Variants in CROCC2 observed in about 807,000 individuals in gnomAD.
The protein encoded by CROCC2 is ciliary rootlet coiled-coil protein 2.
A neutral mutation model predicts 177.6 loss-of-function variants in CROCC2; 163 were observed. That is an observed-to-expected ratio of 0.92 (90% CI 0.81 to 1.05). The LOEUF (loss-of-function observed/expected upper bound fraction) is 1.05. Among genes scored for constraint, CROCC2 ranks in the 50% least tolerant of loss-of-function variants. The probability of loss-of-function intolerance (pLI) is 0.00; values close to 1 mark genes in which losing one functional copy is unlikely to be tolerated. For missense variants in CROCC2, 1,929 were observed against 1,797.8 expected, an observed-to-expected ratio of 1.07 and a Z score of -1.32; for synonymous variants, 904 against 787.3, an observed-to-expected ratio of 1.15 and a Z score of -2.48.
intron 5 of CROCC2, among the ~76,000 whole-genome samples, chr2:240,926,279 C>T (rs1190298753): frequency 6.6e-6 from 1 of 152,220 alleles, no homozygotes; most frequent in Non-Finnish European, 1.5e-5. Context: ...TGGCCGTGGC[C>T]CCCCAGGTCC....
intron 6 of CROCC2, among the ~76,000 whole-genome samples, chr2:240,930,711 G>C (rs2059423419): frequency 6.6e-6 from 1 of 152,088 alleles, no homozygotes; most frequent in African/African-American, 2.4e-5. Context: ...CTCGGTGAAG[G>C]CTGCTGAAGC....
At chr2:240,945,584 C>T (rs1054064118) in intron 14 of CROCC2, among the ~76,000 whole-genome samples, 1 of 151,916 alleles carries the variant, frequency 6.6e-6, no homozygotes, top group African/African-American at 2.4e-5. Context: ...TCTGTACCTC[C>T]CTTCTCTCCA....
intron 27 of CROCC2, 26 bp downstream of exon 27, chr2:240,968,288 C>T (rs1218840832): frequency 2.0e-6 from 3 of 1,513,564 alleles, no homozygotes; most frequent in Admixed American, 4.1e-5. Context: ...GGGTGGGTCC[C>T]AGGTGGGGCA....
chr2:240,929,817 T>A, intron 5 of CROCC2: 1 of 485,226 alleles, frequency 2.1e-6, no homozygotes, highest in South Asian at 1.6e-5. Context: ...TTCTGGGGTG[T>A]TCCAAGCCTG....
intron 14 of CROCC2, among the ~76,000 whole-genome samples, chr2:240,936,537 G>T (rs1489226681): frequency 6.6e-6 from 1 of 152,140 alleles, no homozygotes; most frequent in African/African-American, 2.4e-5. Flanking sequence ...CTTTTTAACT[G>T]CATAGTTATA....
intron 14 of CROCC2, among the ~76,000 whole-genome samples, chr2:240,945,191 T>C (rs984698159): frequency 6.6e-6 from 1 of 152,208 alleles, no homozygotes; most frequent in Non-Finnish European, 1.5e-5. Flanking sequence ...CTGCCTTGGC[T>C]TCCCAAAGTG....
chr2:240,912,839 C>T (rs73006024), intron 1 of CROCC2, among the ~76,000 whole-genome samples: 31,397 of 152,152 alleles, frequency 0.21, 3,770 homozygotes, highest in Middle Eastern at 0.35. Flanking sequence ...GGCCATCAGT[C>T]GTCTCATAGG....
chr2:240,970,931 G>A (rs538488563), intron 27 of CROCC2, among the ~76,000 whole-genome samples: 26 of 152,282 alleles, frequency 1.7e-4, no homozygotes, highest in African/African-American at 5.3e-4. Context: ...TGGGCCACCC[G>A]AGGCCACGGG....
At chr2:240,920,204 C>T (rs1434297724) in intron 3 of CROCC2, 70 bp downstream of exon 3, 9 of 598,254 alleles carry the variant, frequency 1.5e-5, no homozygotes, top group East Asian at 1.4e-4. Flanking sequence ...GGTCACTTGT[C>T]GGGACGGCAG....
At position 240,968,252 on chromosome 2, in the gene CROCC2, G is replaced by C; in HGVS notation, c.4391G>C (p.Arg1464Pro). ...GTGCGTGCGGCAGGCCAGGAGAAGC[G>C]GCGGCTGCAGGTGGGGCAGGCGGCA... is the stretch of plus-strand genomic sequence containing the variant. ...ASVRAAGQEK[R>P]RLQEQLETLR... The change falls in exon 27 of 32, where the codon CGG (arginine) becomes CCG (proline). Residue 1464 changes from arginine (R) to proline (P), a missense_variant. This residue lies in a region of CROCC2 where 388 missense variants were observed against 352.7 expected (regional missense o/e 1.10). Coordinates refer to ENST00000690015, the MANE Select transcript of CROCC2 (RefSeq NM_001351305.2). 1 of 1,529,432 alleles carries C rather than the reference G, an allele frequency of 6.5e-7. No homozygotes were observed. Among genetic ancestry groups the C allele is most frequent in the Non-Finnish European group, 8.7e-7 (1 of 1,143,832 alleles). The allele number at this position is 1,529,432 out of a possible 1,614,324, so 94.7% of individuals were successfully genotyped here.
chr2:240,963,430 C>T (rs992865505), intron 20 of CROCC2, 126 bp from the exon 21 acceptor site: 19 of 1,001,778 alleles, frequency 1.9e-5, no homozygotes, highest in African/African-American at 1.1e-4. Context: ...GTGAGCAAAG[C>T]GCATGGGGAC....
chr2:240,978,330 T>A (rs183766238), intron 27 of CROCC2, among the ~76,000 whole-genome samples: 52 of 28,176 alleles, frequency 1.8e-3, no homozygotes, highest in Middle Eastern at 0.024. Context: ...TAGGAGCCTC[T>A]GGAGCCCAGG....
At position 240,931,227 on chromosome 2, in the gene CROCC2, C is replaced by A. The variant is rs998853042; in HGVS notation, c.947+99C>A. On this transcript the variant is annotated intron_variant, in intron 7 of 31. Coordinates refer to ENST00000690015, the MANE Select transcript of CROCC2 (RefSeq NM_001351305.2). Reference sequence around the variant, plus strand: ...CTGTGGATCCCAGATGTGGTCACACCGTTCCAGGGCAGGTGGGGCCCTGAT... The same window carrying A: ...CTGTGGATCCCAGATGTGGTCACACAGTTCCAGGGCAGGTGGGGCCCTGAT... The A allele has an allele frequency of 8.2e-6, 5 of 610,198 alleles. No individual in the cohort carries two copies. In the Admixed American group the frequency reaches 1.4e-4, roughly 17 times the overall value. 37.8% of individuals were successfully genotyped at this position (610,198 alleles called of 1,614,324 possible).
intron 5 of CROCC2, among the ~76,000 whole-genome samples, chr2:240,929,313 G>A (rs922009136): frequency 2.6e-5 from 4 of 152,162 alleles, no homozygotes; most frequent in Admixed American, 2.6e-4. Context: ...GCACCCTGGA[G>A]GAGCAGGGGT....
chr2:240,922,159 G>A lies in CROCC2; in HGVS notation c.382-380G>A, dbSNP rs796477251. 5.3e-5 allele frequency among the ~76,000 whole-genome samples: 8 copies of A among 152,338 alleles called. 2 individuals carry two copies. Among genetic ancestry groups the A allele is most frequent in the African/African-American group, 1.4e-4 (6 of 41,578 alleles). On this transcript the variant is annotated intron_variant, in intron 3 of 31. Coordinates refer to ENST00000690015, the MANE Select transcript of CROCC2 (RefSeq NM_001351305.2). ...ACGGCTGGGCTGCCCAGGTAGCTGG[G>A]GCAGTGGGGCCTCAGTTTACCCATC...
At chr2:240,974,536 T>TTC (rs1207988224) in intron 27 of CROCC2, among the ~76,000 whole-genome samples, 1 of 91,428 alleles carries the variant, frequency 1.1e-5, no homozygotes, top group Non-Finnish European at 2.1e-5. Flanking sequence ...TTTTTTTTCT[T>TTC]TTTTTTTTTT....
At chr2:240,920,211 G>A (rs2059350008) in intron 3 of CROCC2, 77 bp downstream of exon 3, 2 of 596,714 alleles carry the variant, frequency 3.4e-6, no homozygotes, top group Non-Finnish European at 3.0e-6. Flanking sequence ...TGTCGGGACG[G>A]CAGTCAGAGC....
intron 11 of CROCC2, 72 bp downstream of exon 11, chr2:240,933,924 T>C: frequency 6.8e-7 from 1 of 1,470,666 alleles, no homozygotes; most frequent in Non-Finnish European, 9.1e-7. Context: ...ATCAGCCACT[T>C]GGCCTTGGGC....
rs1488820986 is a variant in CROCC2, at chr2:240,983,035, G to A, written c.4551+6G>A. On this transcript the variant is annotated splice_donor_region_variant and intron_variant, in intron 28 of 31. Coordinates refer to ENST00000690015, the MANE Select transcript of CROCC2 (RefSeq NM_001351305.2). ...CGCTGGAGCCCCTGCGACAGGTGAG[G>A]GTGACCAGGAGGGCAGGGTACGCTG... The A allele has an allele frequency of 5.8e-6, 9 of 1,549,590 alleles. No homozygotes were observed. Among genetic ancestry groups the A allele is most frequent in the African/African-American group, 2.7e-5 (2 of 73,040 alleles).
Sources: gnomAD v4.1 joint callset for allele counts (sites outside exome capture counted in the v4.1 genomes callset) on GRCh38, gnomAD v4.1.1 for gene constraint, gnomAD v4.1.1 regional missense constraint, MANE v1.5 for transcripts, NCBI Gene and HGNC (gene_info 2026-07-23, HGNC 2026-07-21) for gene names.